MTMR1: variants seen among roughly 807,000 people sequenced by gnomAD.
The protein encoded by MTMR1 is myotubularin related protein 1, also known as phosphatidylinositol-3-phosphate phosphatase MTMR1.
A neutral mutation model predicts 51.6 loss-of-function variants in MTMR1; 17 were observed. The observed-to-expected ratio is 0.33, with a 90% CI of 0.23 to 0.49. The LOEUF is 0.49. MTMR1 is among the 20% of genes least tolerant of loss of function. The probability of loss-of-function intolerance (pLI) is 0.99; values close to 1 mark genes in which losing one functional copy is unlikely to be tolerated. For missense variants in MTMR1, 386 were observed against 526.9 expected (o/e 0.73, Z 2.62); for synonymous variants, 201 against 205.6 (o/e 0.98, Z 0.19).
In MTMR1 at chrX:150,732,682, G is replaced by A; in HGVS notation, c.1032G>A (p.Lys344=). The change falls in exon 10 of 16, where the codon AAG becomes AAA. Residue 344 remains lysine (K), a synonymous_variant. Coordinates refer to ENST00000445323, the MANE Select transcript of MTMR1 (RefSeq NM_001306144.3). ...TGGATGCTAACGCACAGTCACACAAGCTTATCATCTTTGATGCTCGACAAA... is the reference window on the plus strand; with the variant it reads ...TGGATGCTAACGCACAGTCACACAAACTTATCATCTTTGATGCTCGACAAA... ...TIMDANAQSH[K]LIIFDARQNS... The A allele has an allele frequency of 8.3e-7, 1 of 1,209,950 alleles. No homozygotes were observed. Among genetic ancestry groups the A allele is most frequent in the Non-Finnish European group, 1.1e-6 (1 of 894,540 alleles).
In MTMR1 at chrX:150,755,685, TCAGGA is replaced by T. The variant is rs1557417725; in HGVS notation, c.1681-3_1682del. 1 of 1,158,969 alleles carries T rather than the reference TCAGGA, an allele frequency of 8.6e-7. No individual in the cohort carries two copies. The highest frequency in any genetic ancestry group is 3.0e-5 in the Admixed American group (1 of 33,560). On this transcript the variant is annotated splice_acceptor_variant and splice_polypyrimidine_tract_variant and coding_sequence_variant and intron_variant, in exon 15 of 16. Coordinates refer to ENST00000445323, the MANE Select transcript of MTMR1 (RefSeq NM_001306144.3). LOFTEE classifies it high-confidence loss of function. ...TATTTCCAATGTTCTTTTTTGTTTT[TCAGGA>T]TGTATATACAAAGACGATATCTTTA... is the stretch of plus-strand genomic sequence containing the variant.
intron 1 of MTMR1, among the ~76,000 whole-genome samples, chrX:150,698,674 GCGCGCGCACACACACACACACACACACA>G (rs1169580700): frequency 1.6e-5 from 1 of 61,214 alleles, no homozygotes; most frequent in Non-Finnish European, 2.9e-5. Context: ...CTGTCTACAC[GCGCGCGCACACACACACACACACACACA>G]CACACACACA....
rs781820813 is a variant in MTMR1, at chrX:150,732,585, G to A, written c.935G>A (p.Arg312His). Reference sequence around the variant, plus strand: ...CCGGAAAGTCAAGCAACGATTACCCGTTGCAGCCAGCCACTTGTGGGTCCC... The same window carrying A: ...CCGGAAAGTCAAGCAACGATTACCCATTGCAGCCAGCCACTTGTGGGTCCC... ...IHPESQATIT[R>H]CSQPLVGPND... Residue 312 changes from arginine to histidine, a missense_variant, in exon 10 of 16, where the codon CGT becomes CAT. Physicochemically the swap from Arg to His is conservative, Grantham distance 29. Transcript: ENST00000445323. 3 of 1,210,318 alleles carry A rather than the reference G, an allele frequency of 2.5e-6. No homozygotes were observed. Among genetic ancestry groups the A allele is most frequent in the Non-Finnish European group, 3.4e-6 (3 of 894,880 alleles).
At chrX:150,762,348 G>A (rs1357164202) in intron 15 of MTMR1, among the ~76,000 whole-genome samples, 2 of 111,703 alleles carry the variant, frequency 1.8e-5, no homozygotes, top group Non-Finnish European at 1.9e-5. Flanking sequence ...TCAGCGGCTC[G>A]GCCCCCGGAG....
In MTMR1 at chrX:150,755,743, G is replaced by A. The variant is rs2042887954; in HGVS notation, c.1735G>A (p.Glu579Lys). 8.3e-7 allele frequency: 1 copy of A among 1,205,564 alleles called. No individual in the cohort carries two copies. The highest frequency in any genetic ancestry group is 1.1e-6 in the Non-Finnish European group (1 of 892,272). ...GTCGTATATCAATAGCCAGCTAGACGAGTTTTCTAATCCCTTCTTTGTGAA... is the reference window on the plus strand; with the variant it reads ...GTCGTATATCAATAGCCAGCTAGACAAGTTTTCTAATCCCTTCTTTGTGAA... The part of the protein sequence containing the change: ...LWSYINSQLD[E>K]FSNPFFVNYE... The change falls in exon 15 of 16, where the codon GAG (glutamate) becomes AAG (lysine). Residue 579 changes from glutamate (E) to lysine (K), a missense_variant. Coordinates refer to ENST00000445323, the MANE Select transcript of MTMR1 (RefSeq NM_001306144.3).
chrX:150,718,609 T>TGCCAGGC lies in MTMR1; in HGVS notation c.277-16_277-15insGCCAGGC. ...CTTTTTTTTTTTTTTTTTTTTTTTT[T>TGCCAGGC]TTTTTTTTTTGCCAGGCTCTAAGGG... On this transcript the variant is annotated splice_polypyrimidine_tract_variant and intron_variant, in intron 3 of 15. Transcript: ENST00000445323. 9.1e-6 allele frequency: 6 copies of TGCCAGGC among 660,423 alleles called. No homozygotes were observed. Among genetic ancestry groups the TGCCAGGC allele is most frequent in the South Asian group, 3.3e-5 (1 of 29,992 alleles). 54.4% of individuals were successfully genotyped at this position (660,423 alleles called of 1,213,427 possible). A position where few individuals can be genotyped will look rare whatever the true frequency, so the allele number is the denominator to read the frequency against.
chrX:150,742,003 G>C (rs1424295019), intron 12 of MTMR1, among the ~76,000 whole-genome samples: 1 of 112,486 alleles, frequency 8.9e-6, no homozygotes, highest in African/African-American at 3.2e-5. Context: ...TTTGTACATT[G>C]GTGTCCATAG....
intron 15 of MTMR1, among the ~76,000 whole-genome samples, chrX:150,761,367 C>T (rs1308939422): frequency 1.8e-5 from 2 of 112,133 alleles, no homozygotes; most frequent in Non-Finnish European, 3.8e-5. Context: ...CTGGCTGCCC[C>T]CTTGCGGTCT....
At chrX:150,749,172 C>G (rs1162913290) in intron 13 of MTMR1, among the ~76,000 whole-genome samples, 1 of 112,388 alleles carries the variant, frequency 8.9e-6, no homozygotes, top group Non-Finnish European at 1.9e-5. Flanking sequence ...TTCCTTAAGT[C>G]AGCTAATATA....
intron 2 of MTMR1, among the ~76,000 whole-genome samples, chrX:150,703,580 G>A (rs782368459): frequency 8.9e-6 from 1 of 112,279 alleles, no homozygotes; most frequent in Admixed American, 9.4e-5. Flanking sequence ...TTAATCATTG[G>A]ATGGGATAGT....
At chrX:150,736,818 GAC>G (rs2042284815) in intron 11 of MTMR1, 38 bp downstream of exon 11, 1 of 1,125,991 alleles carries the variant, frequency 8.9e-7, no homozygotes. Context: ...TTCCAGTTAA[GAC>G]TTCTTTGTGC....
chrX:150,755,654 A>C, intron 14 of MTMR1, 35 bp from the exon 15 acceptor site: 1 of 1,068,138 alleles, frequency 9.4e-7, no homozygotes, highest in Non-Finnish European at 1.3e-6. Context: ...GATATGAAGA[A>C]AAGTTTATTT....
At chrX:150,699,766 T>C (rs782235964) in intron 2 of MTMR1, among the ~76,000 whole-genome samples, 1 of 112,186 alleles carries the variant, frequency 8.9e-6, no homozygotes, top group South Asian at 3.7e-4. Flanking sequence ...TTTTCAGTCC[T>C]TACTGAAGTG....
chrX:150,732,714 T>C lies in MTMR1; in HGVS notation c.1064T>C (p.Val355Ala), dbSNP rs782211988. The C allele has an allele frequency of 2.8e-5, 34 of 1,202,057 alleles. No homozygotes were observed. Among genetic ancestry groups the C allele is most frequent in the Non-Finnish European group, 3.6e-5 (32 of 890,379 alleles). Residue 355 changes from valine (V) to alanine (A), a missense_variant, in exon 10 of 16, where the codon GTC (valine) becomes GCC (alanine). Physicochemically the swap from Val to Ala is moderately conservative, Grantham distance 64. Coordinates refer to ENST00000445323, the MANE Select transcript of MTMR1 (RefSeq NM_001306144.3). ...ATCTTTGATGCTCGACAAAACAGTG[T>C]CGCTGATACCAACAAGGTATATTCT... ...LIIFDARQNS[V>A]ADTNKTKGGG...
At chrX:150,696,048 T>C (rs1298622137) in intron 1 of MTMR1, among the ~76,000 whole-genome samples, 1 of 111,528 alleles carries the variant, frequency 9.0e-6, no homozygotes, top group African/African-American at 3.3e-5. Context: ...GTTGCGGGGC[T>C]GAGCGGCTGA....
intron 2 of MTMR1, among the ~76,000 whole-genome samples, chrX:150,702,851 A>G (rs1160824766): frequency 8.9e-6 from 1 of 112,287 alleles, no homozygotes; most frequent in Non-Finnish European, 1.9e-5. Context: ...CCCAGCTGAA[A>G]GAGTAGATAG....
rs2043171055 is a variant in MTMR1, at chrX:150,762,448, T to G, written c.1858-117T>G. On this transcript the variant is annotated intron_variant, in intron 15 of 15. Transcript: ENST00000445323. ...AGATCGGTCAACGCCTCAGGAGACT[T>G]TGGCCGCTCCAGGAGTCTGGATGGT... The G allele has an allele frequency of 6.3e-6, 6 of 953,900 alleles. No homozygotes were observed. In the East Asian group the frequency reaches 1.6e-4, roughly 25 times the overall value. 78.6% of individuals were successfully genotyped at this position (953,900 alleles called of 1,213,427 possible).
At chrX:150,704,502 T>C (rs2079284200) in intron 2 of MTMR1, among the ~76,000 whole-genome samples, 1 of 111,751 alleles carries the variant, frequency 8.9e-6, no homozygotes, top group Admixed American at 9.5e-5. Context: ...TGTCATCTAT[T>C]GGTAGGCAGG....
In MTMR1 at chrX:150,731,538, T is replaced by G. The variant is rs1341586891; in HGVS notation, c.810T>G (p.Pro270=). Residue 270 remains proline, a synonymous_variant, in exon 9 of 16, where the codon CCT becomes CCG. Transcript: ENST00000445323. ...NSNYEFCDTY[P]AIIVVPTSVK... ...ATTATGAGTTCTGTGACACCTACCC[T>G]GCCATCATTGTTGTGCCAACTAGTG... 8.3e-7 allele frequency: 1 copy of G among 1,208,991 alleles called. No homozygotes were observed. Among genetic ancestry groups the G allele is most frequent in the African/African-American group, 1.7e-5 (1 of 57,758 alleles).
Sources: gnomAD v4.1 joint callset for allele counts (sites outside exome capture counted in the v4.1 genomes callset) on GRCh38, gnomAD v4.1.1 for gene constraint, MANE v1.5 for transcripts, NCBI Gene and HGNC (gene_info 2026-07-23, HGNC 2026-07-21) for gene names.